OR51B5: variants seen among roughly 807,000 people sequenced by gnomAD.
OR51B5 encodes the protein olfactory receptor 51B5.
For synonymous variants in OR51B5, 186 were observed against 144.8 expected (o/e 1.28, Z -2.04); for missense variants, 456 against 374.6 (o/e 1.22, Z -1.79).
At chr11:5,373,390 A>G (rs901216873) in intron 1 of OR51B5, among the ~76,000 whole-genome samples, 5 of 152,216 alleles carry the variant, frequency 3.3e-5, no homozygotes, top group African/African-American at 1.2e-4. Context: ...TACAGCTCCC[A>G]GCGTGAACAA....
At chr11:5,369,152 C>T (rs879540152) in intron 1 of OR51B5, among the ~76,000 whole-genome samples, 8,354 of 152,228 alleles carry the variant, frequency 0.055, 2 homozygotes, top group South Asian at 0.09. Flanking sequence ...AGGATGAAGT[C>T]TTTAAAAATA....
At chr11:5,454,056 G>A (rs767690954) in intron 1 of OR51B5, 1 of 1,614,098 alleles carries the variant, frequency 6.2e-7, no homozygotes, top group Admixed American at 1.7e-5. Flanking sequence ...GCTTGCCTGT[G>A]CTGATATCAG....
intron 1 of OR51B5, among the ~76,000 whole-genome samples, chr11:5,473,699 A>G (rs1851263582): frequency 6.6e-6 from 1 of 152,206 alleles, no homozygotes. Flanking sequence ...GAGCATCAGA[A>G]GAGTATTCAA....
At chr11:5,411,348 C>T (rs1213359570) in intron 1 of OR51B5, among the ~76,000 whole-genome samples, 1 of 152,164 alleles carries the variant, frequency 6.6e-6, no homozygotes, top group African/African-American at 2.4e-5. Context: ...CAATAGGCTA[C>T]ATCATATAGC....
intron 1 of OR51B5, chr11:5,403,222 T>C (rs1003435873): frequency 4.2e-6 from 2 of 471,252 alleles, no homozygotes; most frequent in African/African-American, 4.0e-5. Context: ...ACCTCTACTT[T>C]TGGGCTGGAT....
At chr11:5,401,004 A>C (rs2221087) in intron 1 of OR51B5, among the ~76,000 whole-genome samples, 24,754 of 152,144 alleles carry the variant, frequency 0.16, 2,521 homozygotes, top group African/African-American at 0.3. Flanking sequence ...GTTTGTGTGC[A>C]TTTGGGTGAA....
rs530099195 is a variant in OR51B5 at position 5,350,591 on chromosome 11, A to T, written n.85-3681T>A. ...AAATCCCATCAGATTCCATAGTTTT[A>T]AAAAAAAAATTCTCCTTGATCTTGC... On this transcript the variant is annotated intron_variant and non_coding_transcript_variant, in intron 1 of 4. Transcript: ENST00000415970. 1.3e-4 allele frequency among the ~76,000 whole-genome samples: 20 copies of T among 149,506 alleles called. No homozygotes were observed. The South Asian group carries it at 2.2e-3, about 16-fold the overall frequency.
chr11:5,453,179 A>T, intron 1 of OR51B5: 1 of 213,924 alleles, frequency 4.7e-6, no homozygotes, highest in Admixed American at 5.6e-5. Context: ...CAAGTTGTAG[A>T]AATGTAGTTT....
chr11:5,427,176 C>A (rs1034765954), intron 1 of OR51B5, among the ~76,000 whole-genome samples: 3 of 101,236 alleles, frequency 3.0e-5, no homozygotes, highest in Non-Finnish European at 8.0e-5. Flanking sequence ...ATATACCGAC[C>A]GTCCAACCTT....
intron 1 of OR51B5, among the ~76,000 whole-genome samples, chr11:5,413,809 G>C (rs1850189576): frequency 6.6e-6 from 1 of 151,658 alleles, no homozygotes; most frequent in Admixed American, 6.6e-5. Flanking sequence ...ACATCTGATT[G>C]GTGTACCTGA....
intron 1 of OR51B5, among the ~76,000 whole-genome samples, chr11:5,416,393 C>T (rs1468675088): frequency 1.2e-4 from 18 of 152,008 alleles, no homozygotes; most frequent in Non-Finnish European, 2.4e-4. Context: ...CTCTCACCAC[C>T]CCTATTCAAC....
intron 1 of OR51B5, among the ~76,000 whole-genome samples, chr11:5,365,372 GC>G (rs1323081340): frequency 6.6e-6 from 1 of 152,160 alleles, no homozygotes; most frequent in Non-Finnish European, 1.5e-5. Context: ...GCTGGTCCCG[GC>G]ATGGCAACAA....
At chr11:5,342,968 G>A (rs745482941) in exon 1 of OR51B5, 5 of 1,613,736 alleles carry the variant, frequency 3.1e-6, no homozygotes, top group African/African-American at 1.3e-5. Context: ...ATCAGCACAG[G>A]CGAGTTTAAT....
chr11:5,378,630 C>T (rs1476626478), intron 1 of OR51B5, among the ~76,000 whole-genome samples: 1 of 152,138 alleles, frequency 6.6e-6, no homozygotes, highest in Non-Finnish European at 1.5e-5. Flanking sequence ...AAACAAACAG[C>T]CCCATCAACA....
exon 1 of OR51B5, chr11:5,342,843 A>C: frequency 2.5e-6 from 4 of 1,613,276 alleles, no homozygotes; most frequent in Non-Finnish European, 3.4e-6. Flanking sequence ...TCCTCTCTGG[A>C]GGCAATGCTC....
At chr11:5,382,436 C>T (rs548738768) in intron 1 of OR51B5, among the ~76,000 whole-genome samples, 4 of 152,260 alleles carry the variant, frequency 2.6e-5, no homozygotes, top group South Asian at 4.1e-4. Context: ...TCTTACATTG[C>T]GCTAAGATAG....
rs199921119 is a variant in OR51B5 at position 5,489,209 on chromosome 11, G to A, written n.84+16360C>T. 8.4e-5 allele frequency: 135 copies of A among 1,613,684 alleles called. No homozygotes were observed. The highest frequency in any genetic ancestry group is 1.6e-4 in the Middle Eastern group (1 of 6,084). ...TCCCCCTTCATCTTCTTGCTGAGGC[G>A]ACTCCCCTACTGTGGTCACCGTGTC... On this transcript the variant is annotated intron_variant and non_coding_transcript_variant, in intron 1 of 4. Coordinates refer to the OR51B5 transcript ENST00000415970.
At chr11:5,397,278 T>C (rs928379448) in intron 1 of OR51B5, among the ~76,000 whole-genome samples, 2 of 151,962 alleles carry the variant, frequency 1.3e-5, no homozygotes, top group Middle Eastern at 3.2e-3. Flanking sequence ...ACCTACACAA[T>C]GGGAGAAAAT....
At chr11:5,476,130 C>A (rs1465578860) in intron 1 of OR51B5, among the ~76,000 whole-genome samples, 2 of 152,180 alleles carry the variant, frequency 1.3e-5, no homozygotes, top group Non-Finnish European at 2.9e-5. Flanking sequence ...GTTAGAGAAT[C>A]CTTTTCTTGG....
Sources: allele counts gnomAD v4.1 joint callset (sites outside exome capture counted in the v4.1 genomes callset), GRCh38; gene constraint gnomAD v4.1.1; transcripts MANE v1.5; gene names NCBI Gene and HGNC (gene_info 2026-07-23, HGNC 2026-07-21).